CACNA1I: variants seen among roughly 807,000 people sequenced by gnomAD.
CACNA1I encodes the protein calcium voltage-gated channel subunit alpha1 I.
CACNA1I carries 74 observed loss-of-function variants against 201.6 expected under a neutral mutation model. That is an observed-to-expected ratio of 0.37 (90% CI 0.30 to 0.45). The LOEUF (loss-of-function observed/expected upper bound fraction) is 0.45. Ranked by LOEUF, CACNA1I falls within the 20% of genes least tolerant of loss-of-function variation. The probability of loss-of-function intolerance (pLI) is 1.00; values close to 1 mark genes in which losing one functional copy is unlikely to be tolerated. For synonymous variants in CACNA1I, 1,431 were observed against 1,345.2 expected (o/e 1.06, Z -1.40); for missense variants, 2,346 against 3,138.1 (o/e 0.75, Z 6.03).
rs996264852 is a variant in CACNA1I at position 39,679,923 on chromosome 22, G to A, written c.5541+55G>A. 2.2e-5 allele frequency: 35 copies of A among 1,556,340 alleles called. No individual in the cohort carries two copies. The South Asian group carries it at 3.8e-4, about 17-fold the overall frequency. ...TGTGGCAGGGGCAGCACGAAACCTGGTGGGGGGCCTGTCCGAGGGCAGAGC... is the reference window on the plus strand; with the variant it reads ...TGTGGCAGGGGCAGCACGAAACCTGATGGGGGGCCTGTCCGAGGGCAGAGC... On this transcript the variant is annotated intron_variant, in intron 33 of 36. Coordinates refer to ENST00000402142, the MANE Select transcript of CACNA1I (RefSeq NM_021096.4).
intron 3 of CACNA1I, among the ~76,000 whole-genome samples, chr22:39,608,171 A>G (rs774335053): frequency 1.3e-5 from 2 of 151,370 alleles, no homozygotes; most frequent in Admixed American, 1.3e-4. Context: ...AGCCAGGCGC[A>G]GTGGCGCACA....
chr22:39,585,255 G>A (rs146088242), intron 1 of CACNA1I, among the ~76,000 whole-genome samples: 2 of 151,780 alleles, frequency 1.3e-5, no homozygotes, highest in Admixed American at 6.6e-5. Flanking sequence ...TAGAGACAGG[G>A]TTTCACCATG....
intron 1 of CACNA1I, among the ~76,000 whole-genome samples, chr22:39,595,389 C>T (rs1367118970): frequency 1.3e-5 from 2 of 151,814 alleles, no homozygotes; most frequent in African/African-American, 4.8e-5. Context: ...TTTGGGAGGC[C>T]GAGGCGGGTG....
chr22:39,672,940 G>A lies in CACNA1I; in HGVS notation c.4650-9G>A. 6.2e-7 allele frequency: 1 copy of A among 1,611,230 alleles called. No homozygotes were observed. Among genetic ancestry groups the A allele is most frequent in the Non-Finnish European group, 8.5e-7 (1 of 1,178,374 alleles). ...GCCCACTCCTGCCCTCCCATGCACG[G>A]CTGAGCAGATGGAACCAGCTGGACC... On this transcript the variant is annotated splice_polypyrimidine_tract_variant and intron_variant, in intron 27 of 36. Coordinates refer to ENST00000402142, the MANE Select transcript of CACNA1I (RefSeq NM_021096.4).
At chr22:39,613,688 C>A (rs1227144322) in intron 3 of CACNA1I, among the ~76,000 whole-genome samples, 1 of 152,152 alleles carries the variant, frequency 6.6e-6, no homozygotes, top group Non-Finnish European at 1.5e-5. Context: ...GGGCGCTGTG[C>A]CTTCCACCTA....
At chr22:39,672,152 G>A in intron 26 of CACNA1I, 47 bp from the exon 27 acceptor site, 3 of 1,213,406 alleles carry the variant, frequency 2.5e-6, no homozygotes, top group Non-Finnish European at 3.7e-6. Flanking sequence ...GAAGGTTGTG[G>A]AGCAGGTCAT....
In CACNA1I at chr22:39,672,255, G is replaced by A; in HGVS notation, c.4596G>A (p.Leu1532=). The A allele has an allele frequency of 6.2e-7, 1 of 1,613,828 alleles. No individual in the cohort carries two copies. Among genetic ancestry groups the A allele is most frequent in the East Asian group, 2.2e-5 (1 of 44,882 alleles). The change falls in exon 27 of 37, where the codon CTG becomes CTA. Residue 1532 remains leucine (L), a synonymous_variant. Coordinates refer to ENST00000402142, the MANE Select transcript of CACNA1I (RefSeq NM_021096.4). ...ATATGTTCACCACTGTCTTTGTGCT[G>A]GAGGCTGTGCTGAAGCTGGTGGCAT... ...CNYMFTTVFV[L]EAVLKLVAFG...
At position 39,670,787 on chromosome 22, in the gene CACNA1I, C is replaced by G. The variant is rs767872387; in HGVS notation, c.4388-16C>G. 13 of 1,613,580 alleles carry G rather than the reference C, an allele frequency of 8.1e-6. No homozygotes were observed. Among genetic ancestry groups the G allele is most frequent in the African/African-American group, 8.0e-5 (6 of 74,908 alleles). ...ACCCTCTGTGGTCTTTGCCACTCCC[C>G]CTGCACCACCTGCAGAGGCCCAGCG... On this transcript the variant is annotated splice_polypyrimidine_tract_variant and intron_variant, in intron 25 of 36. Transcript: ENST00000402142.
In CACNA1I at chr22:39,659,938, T is replaced by A. The variant is rs1044443248; in HGVS notation, c.2604+86T>A. The A allele has an allele frequency of 6.6e-7, 1 of 1,513,660 alleles. No individual in the cohort carries two copies. The highest frequency in any genetic ancestry group is 1.4e-5 in the African/African-American group (1 of 72,866). The allele number at this position is 1,513,660 out of a possible 1,614,324, so 93.8% of individuals were successfully genotyped here. On this transcript the variant is annotated intron_variant, in intron 14 of 36. Coordinates refer to ENST00000402142, the MANE Select transcript of CACNA1I (RefSeq NM_021096.4). This position sits in a 1 kb window ranked among gnomAD's most constrained non-coding sequence, Gnocchi z 4.3. ...AGAGGTGGCCTGGATGGGGGAGGGC[T>A]GCAATTCAAACTTCTAGCAGGCAAC...
intron 4 of CACNA1I, among the ~76,000 whole-genome samples, chr22:39,631,852 C>T (rs1934072579): frequency 6.6e-6 from 1 of 152,092 alleles, no homozygotes; most frequent in Admixed American, 6.6e-5. Context: ...TTGGGGTCCT[C>T]CCTGAATCCC....
At chr22:39,647,772 G>A in intron 8 of CACNA1I, 50 bp from the exon 9 acceptor site, 2 of 1,340,038 alleles carry the variant, frequency 1.5e-6, no homozygotes, top group Non-Finnish European at 2.1e-6. Flanking sequence ...TCTGTTCCAG[G>A]AAACGGTCCT....
At position 39,677,926 on chromosome 22, in the gene CACNA1I, T is replaced by C; in HGVS notation, c.4934-61T>C. 1 of 1,515,218 alleles carries C rather than the reference T, an allele frequency of 6.6e-7. No homozygotes were observed. Among genetic ancestry groups the C allele is most frequent in the Non-Finnish European group, 8.9e-7 (1 of 1,129,346 alleles). 93.9% of individuals were successfully genotyped at this position (1,515,218 alleles called of 1,614,324 possible). A position where few individuals can be genotyped will look rare whatever the true frequency, so the allele number is the denominator to read the frequency against. Reference sequence around the variant, plus strand: ...CTGAGGCGAGGCGGGAGGCACCAGGTCAGGGTGAGCCCCGCAGGCACTCCG... The same window carrying C: ...CTGAGGCGAGGCGGGAGGCACCAGGCCAGGGTGAGCCCCGCAGGCACTCCG... On this transcript the variant is annotated intron_variant, in intron 30 of 36. Coordinates refer to ENST00000402142, the MANE Select transcript of CACNA1I (RefSeq NM_021096.4). The surrounding 1 kb of genome is among the most constrained non-coding windows in gnomAD (Gnocchi z 4.8).
intron 2 of CACNA1I, 30 bp downstream of exon 2, chr22:39,598,292 C>CCCCCCCCCCCCCCCCCG: frequency 7.7e-7 from 1 of 1,291,810 alleles, no homozygotes; most frequent in Non-Finnish European, 1.1e-6. Flanking sequence ...CCGCCCCGCC[C>CCCCCCCCCCCCCCCCCG]TGCCCTCATC....
At position 39,646,899 on chromosome 22, in the gene CACNA1I, C is replaced by T. The variant is rs762439940; in HGVS notation, c.1462+18C>T. The T allele has an allele frequency of 6.8e-6, 10 of 1,467,286 alleles. No homozygotes were observed. Among genetic ancestry groups the T allele is most frequent in the South Asian group, 2.8e-5 (2 of 71,404 alleles). 90.9% of individuals were successfully genotyped at this position (1,467,286 alleles called of 1,614,324 possible). On this transcript the variant is annotated intron_variant, in intron 8 of 36. Coordinates refer to ENST00000402142, the MANE Select transcript of CACNA1I (RefSeq NM_021096.4). ...GCACTACCGTAAGTGGCCCTGCATC[C>T]GACGCGGCACTCAGGCACTTCGTGC...
intron 5 of CACNA1I, among the ~76,000 whole-genome samples, chr22:39,637,784 T>C (rs1217784620): frequency 4.6e-5 from 7 of 152,242 alleles, no homozygotes; most frequent in Admixed American, 1.3e-4. Flanking sequence ...TTTAGCATTG[T>C]TTTTTGTGTC....
At chr22:39,663,636 C>A in intron 18 of CACNA1I, 82 bp from the exon 19 acceptor site, 2 of 1,561,990 alleles carry the variant, frequency 1.3e-6, no homozygotes, top group South Asian at 1.2e-5. Flanking sequence ...GTGGTCTGCA[C>A]TGCTGCCTGG....
At chr22:39,651,242 A>C (rs1174355891) in intron 10 of CACNA1I, among the ~76,000 whole-genome samples, 1 of 152,064 alleles carries the variant, frequency 6.6e-6, no homozygotes, top group East Asian at 1.9e-4. Flanking sequence ...AGGGCTTGGG[A>C]TTTCGACATT....
intron 10 of CACNA1I, among the ~76,000 whole-genome samples, chr22:39,652,402 C>T (rs1299264912): frequency 2.6e-5 from 4 of 152,184 alleles, no homozygotes; most frequent in African/African-American, 4.8e-5. Flanking sequence ...TCACAGGGCC[C>T]ACCTGATTTC....
chr22:39,590,503 C>T (rs1932808751), intron 1 of CACNA1I, among the ~76,000 whole-genome samples: 1 of 152,260 alleles, frequency 6.6e-6, no homozygotes, highest in South Asian at 2.1e-4. Flanking sequence ...CTCCGCTTCC[C>T]TCTGCCTGGC....
Sources: allele counts gnomAD v4.1 joint callset (sites outside exome capture counted in the v4.1 genomes callset), GRCh38; gene constraint gnomAD v4.1.1; non-coding constraint Gnocchi (gnomAD v3.1); transcripts MANE v1.5; gene names NCBI Gene and HGNC (gene_info 2026-07-23, HGNC 2026-07-21).